Variants in CEP112 observed in about 807,000 individuals in gnomAD.
CEP112 encodes centrosomal protein of 112 kDa.
CEP112 carries 127 observed loss-of-function variants against 153.0 expected under a neutral mutation model. The observed-to-expected ratio is 0.83, with a 90% CI of 0.72 to 0.96. CEP112 has a LOEUF of 0.96. Ranked by LOEUF, CEP112 falls within the 40% of genes least tolerant of loss-of-function variation. CEP112 has a pLI of 0.00. For synonymous variants in CEP112, 358 were observed against 374.4 expected, an observed-to-expected ratio of 0.96 and a Z score of 0.51; for missense variants, 1,089 against 1,101.2, an observed-to-expected ratio of 0.99 and a Z score of 0.16.
intron 24 of CEP112, among the ~76,000 whole-genome samples, chr17:65,666,940 T>A (rs533105816): frequency 6.6e-6 from 1 of 152,204 alleles, no homozygotes; most frequent in African/African-American, 2.4e-5. Context: ...TCTCTTTGGA[T>A]CCTTCAGGAT....
At chr17:65,707,136 C>T (rs904233743) in intron 23 of CEP112, among the ~76,000 whole-genome samples, 2 of 152,138 alleles carry the variant, frequency 1.3e-5, no homozygotes, top group African/African-American at 2.4e-5. Flanking sequence ...GGGCTCCCCT[C>T]GGTCTCATCT....
chr17:66,031,857 A>G (rs2065501479), intron 12 of CEP112, among the ~76,000 whole-genome samples: 1 of 152,128 alleles, frequency 6.6e-6, no homozygotes, highest in African/African-American at 2.4e-5. Flanking sequence ...CTTTTACCCT[A>G]GAGGTATTTT....
At chr17:65,867,086 C>T (rs1014234601) in intron 20 of CEP112, among the ~76,000 whole-genome samples, 6 of 152,202 alleles carry the variant, frequency 3.9e-5, no homozygotes, top group Admixed American at 2.0e-4. Context: ...CTCTTTAAAG[C>T]TCTGCGGTTC....
chr17:65,808,265 C>G (rs2055733144), intron 21 of CEP112, among the ~76,000 whole-genome samples: 1 of 152,152 alleles, frequency 6.6e-6, no homozygotes, highest in South Asian at 2.1e-4. Flanking sequence ...TGCTTGTACT[C>G]CCATTGTATC....
intron 20 of CEP112, among the ~76,000 whole-genome samples, chr17:65,852,610 T>C (rs1303115936): frequency 6.7e-6 from 1 of 148,860 alleles, no homozygotes; most frequent in Non-Finnish European, 1.5e-5. Context: ...TTAAACAACA[T>C]ATTGTTTAGT....
At chr17:66,152,579 GGTATAAAT>G (rs2146692352) in intron 4 of CEP112, among the ~76,000 whole-genome samples, 1 of 152,106 alleles carries the variant, frequency 6.6e-6, no homozygotes, top group East Asian at 1.9e-4. Flanking sequence ...TAAAGCCAAG[GGTATAAAT>G]GTAAAATATT....
At chr17:65,862,537 G>A (rs190780873) in intron 20 of CEP112, among the ~76,000 whole-genome samples, 5 of 152,224 alleles carry the variant, frequency 3.3e-5, no homozygotes, top group African/African-American at 4.8e-5. Flanking sequence ...GCAGTGAGCC[G>A]AGATCGTGCC....
intron 17 of CEP112, among the ~76,000 whole-genome samples, chr17:65,975,072 T>G (rs1417646916): frequency 6.6e-6 from 1 of 152,156 alleles, no homozygotes; most frequent in Non-Finnish European, 1.5e-5. Flanking sequence ...GGGGAATAAA[T>G]AACCAAATCA....
intron 24 of CEP112, among the ~76,000 whole-genome samples, chr17:65,686,679 G>T (rs1316427722): frequency 6.6e-6 from 1 of 152,132 alleles, no homozygotes; most frequent in African/African-American, 2.4e-5. Context: ...CATCCGAGGA[G>T]GCATTTTCAT....
At chr17:65,740,900 G>A (rs2051093743) in intron 23 of CEP112, among the ~76,000 whole-genome samples, 1 of 152,206 alleles carries the variant, frequency 6.6e-6, no homozygotes, top group Admixed American at 6.5e-5. Flanking sequence ...CATTCATGCA[G>A]AGAGAAGAAT....
At chr17:65,686,113 CTTT>C (rs35816434) in intron 24 of CEP112, among the ~76,000 whole-genome samples, 40,843 of 102,916 alleles carry the variant, frequency 0.4, 5,607 homozygotes, top group Middle Eastern at 0.51. Flanking sequence ...AAACAACTGG[CTTT>C]TTTTTTTTTT....
chr17:65,679,002 G>A (rs1567852019), intron 24 of CEP112, among the ~76,000 whole-genome samples: 1 of 152,008 alleles, frequency 6.6e-6, no homozygotes, highest in South Asian at 2.1e-4. Context: ...AGGGTTTTGG[G>A]TACAAGTGTT....
chr17:65,718,075 T>C (rs2049641159), intron 23 of CEP112, among the ~76,000 whole-genome samples: 1 of 152,234 alleles, frequency 6.6e-6, no homozygotes, highest in South Asian at 2.1e-4. Flanking sequence ...ATATTTTAAC[T>C]GGAAGTTGCA....
chr17:65,683,528 G>A (rs1237961677), intron 24 of CEP112, among the ~76,000 whole-genome samples: 1 of 152,160 alleles, frequency 6.6e-6, no homozygotes, highest in African/African-American at 2.4e-5. Context: ...GATTCCTGCC[G>A]AACAGCTTTG....
intron 24 of CEP112, among the ~76,000 whole-genome samples, chr17:65,678,349 C>T (rs2047339059): frequency 6.6e-6 from 1 of 152,112 alleles, no homozygotes; most frequent in South Asian, 2.1e-4. Flanking sequence ...ATTCTGCTTG[C>T]CCACCAATTT....
chr17:66,078,970 G>A (rs1197262424), intron 8 of CEP112, among the ~76,000 whole-genome samples: 1 of 152,116 alleles, frequency 6.6e-6, no homozygotes, highest in Non-Finnish European at 1.5e-5. Context: ...CTTCTAGCTT[G>A]TAGGATTTCT....
chr17:65,824,100 T>A (rs1442785589), intron 21 of CEP112, among the ~76,000 whole-genome samples: 2 of 152,202 alleles, frequency 1.3e-5, no homozygotes, highest in Admixed American at 1.3e-4. Flanking sequence ...TTCTTTCTAT[T>A]TACTCAAGTT....
chr17:65,835,833 C>T (rs2057285967), intron 21 of CEP112, among the ~76,000 whole-genome samples: 1 of 152,098 alleles, frequency 6.6e-6, no homozygotes, highest in Non-Finnish European at 1.5e-5. Flanking sequence ...TAGTCTAATA[C>T]TGGAATGGAA....
chr17:65,957,536 G>C (rs1013443486), intron 18 of CEP112, among the ~76,000 whole-genome samples: 3 of 151,930 alleles, frequency 2.0e-5, no homozygotes, highest in African/African-American at 7.3e-5. Context: ...CTGAATATAA[G>C]TGATATATTT....
Sources: gnomAD v4.1 joint callset for allele counts (sites outside exome capture counted in the v4.1 genomes callset) on GRCh38, gnomAD v4.1.1 for gene constraint, MANE v1.5 for transcripts, NCBI Gene and HGNC (gene_info 2026-07-23, HGNC 2026-07-21) for gene names.